CDK19: variants seen among roughly 807,000 people sequenced by gnomAD.
The protein encoded by CDK19 is cyclin-dependent kinase 19.
Under a neutral mutation model 68.3 loss-of-function variants are expected in CDK19, and 20 were observed. The observed-to-expected ratio is 0.29, with a 90% CI of 0.21 to 0.43. The LOEUF is 0.43. CDK19 is among the 20% of genes least tolerant of loss of function. The pLI is 1.00. For missense variants in CDK19, 339 were observed against 623.5 expected (o/e 0.54, Z 4.86); for synonymous variants, 221 against 222.8 (o/e 0.99, Z 0.07).
chr6:110,708,258 C>A (rs1774678531), intron 2 of CDK19, among the ~76,000 whole-genome samples: 2 of 152,146 alleles, frequency 1.3e-5, no homozygotes, highest in Non-Finnish European at 1.5e-5. Flanking sequence ...CCACACTGTT[C>A]CAGACCATGC....
chr6:110,716,722 G>C (rs1164051272), intron 2 of CDK19, among the ~76,000 whole-genome samples: 1 of 152,086 alleles, frequency 6.6e-6, no homozygotes, highest in Non-Finnish European at 1.5e-5. Context: ...AGAACAAAGA[G>C]AGAGAAAGAG....
chr6:110,795,454 C>T (rs535737225), intron 1 of CDK19, among the ~76,000 whole-genome samples: 1 of 152,258 alleles, frequency 6.6e-6, no homozygotes, highest in East Asian at 1.9e-4. Context: ...AGAGAAACAG[C>T]TCTAATTACT....
intron 2 of CDK19, among the ~76,000 whole-genome samples, chr6:110,684,481 AC>A (rs548781867): frequency 2.0e-3 from 307 of 151,950 alleles, no homozygotes; most frequent in African/African-American, 6.9e-3. Flanking sequence ...GGTGAAACTA[AC>A]CTAAAATTCC....
At chr6:110,667,795 G>A (rs1782036773) in intron 3 of CDK19, among the ~76,000 whole-genome samples, 1 of 152,050 alleles carries the variant, frequency 6.6e-6, no homozygotes, top group African/African-American at 2.4e-5. Flanking sequence ...TAAATTTACT[G>A]AAACCATTAA....
At chr6:110,787,830 C>T (rs909991045) in intron 1 of CDK19, among the ~76,000 whole-genome samples, 3 of 151,554 alleles carry the variant, frequency 2.0e-5, no homozygotes, top group African/African-American at 7.3e-5. Context: ...CTGGGTTTTG[C>T]GGTTTTTTTG....
At chr6:110,682,841 C>T (rs1582853619) in intron 2 of CDK19, among the ~76,000 whole-genome samples, 2 of 109,036 alleles carry the variant, frequency 1.8e-5, no homozygotes, top group South Asian at 4.2e-4. Flanking sequence ...CAAACATAAA[C>T]AGTTTCCACA....
intron 2 of CDK19, among the ~76,000 whole-genome samples, chr6:110,719,339 C>T (rs1034001392): frequency 4.6e-5 from 7 of 152,014 alleles, no homozygotes; most frequent in Non-Finnish European, 8.8e-5. Flanking sequence ...TTAAAAACAA[C>T]CAGGCATGGT....
At position 110,626,814 on chromosome 6, in the gene CDK19, T is replaced by A; in HGVS notation, c.822A>T (p.Pro274=). 3 of 1,583,668 alleles carry A rather than the reference T, an allele frequency of 1.9e-6. No homozygotes were observed. Among genetic ancestry groups the A allele is most frequent in the Non-Finnish European group, 2.6e-6 (3 of 1,160,164 alleles). Residue 274 remains proline, a synonymous_variant, in exon 8 of 13, where the codon CCA becomes CCT. Transcript: ENST00000368911. ...DKDWEDIRKM[P]EYPTLQKDFR... Reference sequence around the variant, plus strand: ...AGTCTTTTTGAAGTGTGGGATATTCTGGCATCTTTCTAATATCTTCCCAGT... The same window carrying A: ...AGTCTTTTTGAAGTGTGGGATATTCAGGCATCTTTCTAATATCTTCCCAGT...
intron 2 of CDK19, among the ~76,000 whole-genome samples, chr6:110,711,959 C>A (rs947286287): frequency 6.6e-6 from 1 of 152,136 alleles, no homozygotes; most frequent in Non-Finnish European, 1.5e-5. Context: ...GGTGACACTG[C>A]GAGACTCCGT....
intron 4 of CDK19, among the ~76,000 whole-genome samples, chr6:110,655,229 G>T (rs948067389): frequency 2.6e-5 from 4 of 151,852 alleles, no homozygotes; most frequent in Non-Finnish European, 5.9e-5. Context: ...AGTCGGGCAT[G>T]GTGGCACGCA....
At chr6:110,814,474 T>C in intron 1 of CDK19, 1 of 382,992 alleles carries the variant, frequency 2.6e-6, no homozygotes, top group Admixed American at 3.3e-5. Flanking sequence ...CGGAGATCGC[T>C]GCTGGGGGCG....
chr6:110,699,268 T>C (rs1177856539), intron 2 of CDK19, among the ~76,000 whole-genome samples: 1 of 151,612 alleles, frequency 6.6e-6, no homozygotes, highest in Non-Finnish European at 1.5e-5. Context: ...CTACTAAAAA[T>C]ACAAAAATTA....
chr6:110,633,075 TG>T lies in CDK19; in HGVS notation c.515-915del, dbSNP rs559012256. Reference sequence around the variant, plus strand: ...CTCTACTAAAAATACAAAAATTAGCTGGGCGTGGTGGCGCGCACCTGTAGTC... The same window carrying T: ...CTCTACTAAAAATACAAAAATTAGCTGGCGTGGTGGCGCGCACCTGTAGTC... On this transcript the variant is annotated intron_variant, in intron 5 of 12. Coordinates refer to ENST00000368911, the MANE Select transcript of CDK19 (RefSeq NM_015076.5). 2.1e-3 allele frequency among the ~76,000 whole-genome samples: 320 copies of T among 151,866 alleles called. 4 individuals carry two copies. Among genetic ancestry groups the T allele is most frequent in the African/African-American group, 7.3e-3 (303 of 41,446 alleles).
chr6:110,676,092 C>T (rs967915037), intron 2 of CDK19, among the ~76,000 whole-genome samples: 1 of 152,162 alleles, frequency 6.6e-6, no homozygotes, highest in Non-Finnish European at 1.5e-5. Flanking sequence ...GAGGTCAAGG[C>T]ATCAACATTA....
intron 2 of CDK19, among the ~76,000 whole-genome samples, chr6:110,721,433 T>C (rs1344609745): frequency 4.6e-5 from 7 of 152,086 alleles, no homozygotes; most frequent in Non-Finnish European, 1.5e-5. Context: ...TCACTTCTTT[T>C]GCTTGCAAGA....
intron 4 of CDK19, chr6:110,646,490 T>C: frequency 7.0e-7 from 1 of 1,436,146 alleles, no homozygotes; most frequent in African/African-American, 1.4e-5. Flanking sequence ...CAGCTCGTTC[T>C]GTGCCAGCGT....
At position 110,613,197 on chromosome 6, in the gene CDK19, C is replaced by T. The variant is rs1170627794; in HGVS notation, c.*1338G>A. ...CTAAGAAAGAACTCAGCCACTAATTCATAGATAATGGAAATGCAAATATTC... is the reference window on the plus strand; with the variant it reads ...CTAAGAAAGAACTCAGCCACTAATTTATAGATAATGGAAATGCAAATATTC... On this transcript the variant is annotated 3_prime_UTR_variant, in exon 13 of 13. Coordinates refer to ENST00000368911, the MANE Select transcript of CDK19 (RefSeq NM_015076.5). 1 of 151,028 alleles carries T rather than the reference C, an allele frequency of 6.6e-6. No individual in the cohort carries two copies. The highest frequency in any genetic ancestry group is 1.5e-5 in the Non-Finnish European group (1 of 67,748). The allele number at this position is 151,028 out of a possible 1,614,324, so 9.4% of individuals were successfully genotyped here.
chr6:110,752,375 G>GT (rs1583022851), intron 1 of CDK19, among the ~76,000 whole-genome samples: 1 of 151,944 alleles, frequency 6.6e-6, no homozygotes, highest in East Asian at 1.9e-4. Flanking sequence ...GTTCAATGTC[G>GT]TAACACTTTA....
chr6:110,801,302 T>G (rs1263280620), intron 1 of CDK19, among the ~76,000 whole-genome samples: 2 of 151,866 alleles, frequency 1.3e-5, no homozygotes, highest in South Asian at 2.1e-4. Context: ...TTTGGCAACA[T>G]AGTGAGACCC....
Sources: allele counts gnomAD v4.1 joint callset (sites outside exome capture counted in the v4.1 genomes callset), GRCh38; gene constraint gnomAD v4.1.1; transcripts MANE v1.5; gene names NCBI Gene and HGNC (gene_info 2026-07-23, HGNC 2026-07-21).